The following LCORL variants were observed in gnomAD, a reference collection of about 807,000 sequenced individuals.
LCORL encodes ligand dependent nuclear receptor corepressor like.
A neutral mutation model predicts 141.8 loss-of-function variants in LCORL; 41 were observed. The observed-to-expected ratio is 0.29, with a 90% CI of 0.23 to 0.38. The LOEUF is 0.38. Among genes scored for constraint, LCORL ranks in the 10% least tolerant of loss-of-function variants. LCORL has a pLI of 1.00. For missense variants in LCORL, 1,759 were observed against 2,035.0 expected, an observed-to-expected ratio of 0.86 and a Z score of 2.61; for synonymous variants, 618 against 694.1, an observed-to-expected ratio of 0.89 and a Z score of 1.72.
exon 7 of LCORL, chr4:17,877,968 T>C: frequency 8.1e-7 from 1 of 1,230,678 alleles, no homozygotes; most frequent in African/African-American, 1.6e-5. Flanking sequence ...TGCCAGCCTA[T>C]ATTCACAACT....
intron 4 of LCORL, among the ~76,000 whole-genome samples, chr4:17,940,459 ATATTATGTAATATATGTAATATATATG>A (rs1737757114): frequency 6.9e-6 from 1 of 144,870 alleles, no homozygotes. Flanking sequence ...TATGTAATAT[ATATTATGTAATATATGTAATATATATG>A]TATTATGTAA....
At chr4:17,932,275 T>C (rs1013026237) in intron 4 of LCORL, among the ~76,000 whole-genome samples, 1 of 152,192 alleles carries the variant, frequency 6.6e-6, no homozygotes, top group South Asian at 2.1e-4. Context: ...CAATGACTCA[T>C]ATATTAGTGT....
At chr4:17,962,353 G>A (rs1238611029) in intron 3 of LCORL, among the ~76,000 whole-genome samples, 8 of 151,488 alleles carry the variant, frequency 5.3e-5, no homozygotes, top group Non-Finnish European at 8.8e-5. Flanking sequence ...TAACAACAAA[G>A]CAGATGTGTT....
At chr4:17,937,175 A>T (rs1018511251) in intron 4 of LCORL, among the ~76,000 whole-genome samples, 3 of 152,188 alleles carry the variant, frequency 2.0e-5, no homozygotes, top group Non-Finnish European at 4.4e-5. Flanking sequence ...GCTCTGGGTT[A>T]ACATTTTAGT....
exon 7 of LCORL, chr4:17,876,521 G>A: frequency 1.6e-6 from 2 of 1,230,800 alleles, no homozygotes; most frequent in Non-Finnish European, 2.0e-6. Flanking sequence ...TTTTGTTTAG[G>A]TCTATATTGT....
intron 1 of LCORL, among the ~76,000 whole-genome samples, chr4:18,002,715 G>A (rs1038832631): frequency 6.6e-6 from 1 of 152,124 alleles, no homozygotes; most frequent in Non-Finnish European, 1.5e-5. Flanking sequence ...CAAAAACATT[G>A]AGATTCATTA....
exon 8 of LCORL, chr4:17,842,349 G>A (rs773183763): frequency 5.6e-6 from 9 of 1,612,156 alleles, no homozygotes; most frequent in Non-Finnish European, 7.6e-6. Context: ...ACGAACAGGA[G>A]GTGTCAGACT....
chr4:18,005,822 A>G (rs910208948), intron 1 of LCORL, among the ~76,000 whole-genome samples: 1 of 152,166 alleles, frequency 6.6e-6, no homozygotes, highest in African/African-American at 2.4e-5. Context: ...CATCCGGCCC[A>G]TGAAACCACT....
intron 6 of LCORL, chr4:17,881,161 T>G: frequency 1.0e-6 from 1 of 980,642 alleles, no homozygotes; most frequent in Middle Eastern, 5.2e-4. Context: ...TTTCCTTCTT[T>G]TTTTTTTTAA....
exon 7 of LCORL, chr4:17,877,390 G>A (rs1727036190): frequency 1.6e-6 from 2 of 1,230,014 alleles, no homozygotes; most frequent in South Asian, 8.2e-5. Flanking sequence ...TCATTAATGC[G>A]ATCCATTAAA....
chr4:17,852,949 C>A (rs12645994), intron 7 of LCORL, among the ~76,000 whole-genome samples: 67,038 of 151,870 alleles, frequency 0.44, 17,500 homozygotes, highest in Middle Eastern at 0.6. Context: ...TGTTACCTAG[C>A]CGACTCTTAC....
chr4:17,888,843 C>T (rs931917582), intron 5 of LCORL, among the ~76,000 whole-genome samples: 1 of 151,994 alleles, frequency 6.6e-6, no homozygotes, highest in Non-Finnish European at 1.5e-5. Flanking sequence ...AGGATAACTG[C>T]CAAACTCATA....
exon 7 of LCORL, chr4:17,876,429 T>G: frequency 8.1e-7 from 1 of 1,230,994 alleles, no homozygotes; most frequent in Non-Finnish European, 1.0e-6. Context: ...TGATAATGGC[T>G]GATTATTCCA....
chr4:17,953,473 A>G (rs1259310952), intron 4 of LCORL, among the ~76,000 whole-genome samples: 2 of 152,218 alleles, frequency 1.3e-5, no homozygotes, highest in Non-Finnish European at 2.9e-5. Context: ...CTGAAAGAAT[A>G]ATGACTAAAC....
chr4:18,019,299 GCTACA>G, intron 1 of LCORL, among the ~76,000 whole-genome samples: 1 of 152,174 alleles, frequency 6.6e-6, no homozygotes. Context: ...AGATAGCACC[GCTACA>G]CTCCAGCCTG....
chr4:17,970,204 C>G (rs1426408290), intron 2 of LCORL, among the ~76,000 whole-genome samples: 1 of 152,094 alleles, frequency 6.6e-6, no homozygotes, highest in Non-Finnish European at 1.5e-5. Context: ...GATAGAAGAT[C>G]CAGAAATAGC....
chr4:17,890,697 C>G (rs1728945605), intron 5 of LCORL, among the ~76,000 whole-genome samples: 1 of 152,046 alleles, frequency 6.6e-6, no homozygotes. Flanking sequence ...ATAAGCCAAT[C>G]TAATCTTTGA....
intron 1 of LCORL, among the ~76,000 whole-genome samples, chr4:18,008,239 G>C (rs932155320): frequency 2.0e-5 from 3 of 152,136 alleles, no homozygotes; most frequent in African/African-American, 7.2e-5. Flanking sequence ...ATCATCAGTT[G>C]TAAAAGCAAG....
At chr4:17,977,681 AAT>A (rs1717228357) in intron 1 of LCORL, among the ~76,000 whole-genome samples, 1 of 152,160 alleles carries the variant, frequency 6.6e-6, no homozygotes, top group African/African-American at 2.4e-5. Flanking sequence ...TTTGTCTAAT[AAT>A]ATATGTTGTG....
Sources: gnomAD v4.1 joint callset for allele counts (sites outside exome capture counted in the v4.1 genomes callset) on GRCh38, gnomAD v4.1.1 for gene constraint, MANE v1.5 for transcripts, NCBI Gene and HGNC (gene_info 2026-07-23, HGNC 2026-07-21) for gene names.